C3orf20: variants seen among roughly 807,000 people sequenced by gnomAD.
The protein encoded by C3orf20 is family with sequence similarity 149 member C, also known as uncharacterized protein C3orf20.
C3orf20 carries 76 observed loss-of-function variants against 88.3 expected under a neutral mutation model. The observed-to-expected ratio is 0.86, with a 90% CI of 0.72 to 1.04. The LOEUF is 1.04. C3orf20 is among the 50% of genes least tolerant of loss of function. C3orf20 has a pLI of 0.00. For synonymous variants in C3orf20, 436 were observed against 437.4 expected (o/e 1.00, Z 0.04); for missense variants, 1,056 against 1,123.3 (o/e 0.94, Z 0.86).
chr3:14,759,892 G>A lies in C3orf20; in HGVS notation c.2246G>A (p.Cys749Tyr), dbSNP rs539105065. 3 of 1,613,232 alleles carry A rather than the reference G, an allele frequency of 1.9e-6. No homozygotes were observed. The highest frequency in any genetic ancestry group is 2.2e-5 in the South Asian group (2 of 91,054). Residue 749 changes from cysteine to tyrosine, a missense_variant and splice_region_variant, in exon 14 of 17, where the codon TGC (cysteine) becomes TAC (tyrosine). Transcript: ENST00000253697. ...GTTCTCATATTTCTCTCCTGGTAGTGCCGGTATGACTCCTACCGCCTGCTG... is the reference window on the plus strand; with the variant it reads ...GTTCTCATATTTCTCTCCTGGTAGTACCGGTATGACTCCTACCGCCTGCTG... ...QRGRGSPCIQ[C>Y]RYDSYRLLQY...
intron 9 of C3orf20, among the ~76,000 whole-genome samples, chr3:14,718,472 G>C (rs1459006450): frequency 6.6e-6 from 1 of 151,916 alleles, no homozygotes; most frequent in Non-Finnish European, 1.5e-5. Flanking sequence ...ACCTCATCTA[G>C]TGTAGTTAAA....
intron 1 of C3orf20, among the ~76,000 whole-genome samples, chr3:14,678,244 C>T (rs760051120): frequency 3.3e-5 from 5 of 152,128 alleles, no homozygotes; most frequent in Non-Finnish European, 5.9e-5. Context: ...TTCACACACA[C>T]CACCTCACTA....
chr3:14,715,465 T>G, intron 9 of C3orf20, 56 bp downstream of exon 9: 1 of 1,571,678 alleles, frequency 6.4e-7, no homozygotes, highest in Non-Finnish European at 8.6e-7. Flanking sequence ...ACAGGGAGGG[T>G]CTGGGCATCC....
rs2032132429 is a variant in C3orf20 at position 14,682,292 on chromosome 3, A to G, written c.-176A>G. ...TCTTGCAGGTTCTTAATGATTGACC[A>G]CAAGCAGATCTTTCACCCTCGGATC... On this transcript the variant is annotated 5_prime_UTR_variant, in exon 2 of 17. Coordinates refer to ENST00000253697, the MANE Select transcript of C3orf20 (RefSeq NM_032137.5). 1 of 165,132 alleles carries G rather than the reference A, an allele frequency of 6.1e-6. No individual in the cohort carries two copies. Among genetic ancestry groups the G allele is most frequent in the African/African-American group, 2.4e-5 (1 of 41,734 alleles). The allele number at this position is 165,132 out of a possible 1,614,324, so 10.2% of individuals were successfully genotyped here.
At chr3:14,759,766 T>A in intron 13 of C3orf20, 125 bp from the exon 14 acceptor site, 3 of 721,768 alleles carry the variant, frequency 4.2e-6, no homozygotes. Flanking sequence ...GCAGGAGGAG[T>A]TGGGGAGAGG....
intron 13 of C3orf20, 83 bp from the exon 14 acceptor site, chr3:14,759,808 A>G (rs2035501606): frequency 1.7e-6 from 2 of 1,177,464 alleles, no homozygotes; most frequent in African/African-American, 3.0e-5. Context: ...CTCAGGGGGA[A>G]CCAGGCCTAG....
At chr3:14,698,331 C>A (rs188098126) in intron 5 of C3orf20, among the ~76,000 whole-genome samples, 13 of 151,646 alleles carry the variant, frequency 8.6e-5, no homozygotes, top group South Asian at 2.1e-4. Context: ...GGTCTTAATG[C>A]CTGTGGATGT....
At chr3:14,757,128 C>A (rs1356729581) in intron 12 of C3orf20, among the ~76,000 whole-genome samples, 1 of 152,178 alleles carries the variant, frequency 6.6e-6, no homozygotes, top group Non-Finnish European at 1.5e-5. Context: ...AAGGATGACA[C>A]TAAAGCATTT....
rs141611273 is a variant in C3orf20, at chr3:14,682,804, A to C, written c.91A>C (p.Ile31Leu). The change falls in exon 3 of 17, where the codon ATC (isoleucine) becomes CTC (leucine). Residue 31 changes from isoleucine to leucine, a missense_variant. Transcript: ENST00000253697. Reference sequence around the variant, plus strand: ...GGCCCGCATCTCCAAACTCCTCATGATCTGCCAGAATGCAGGCATTTCTGT... The same window carrying C: ...GGCCCGCATCTCCAAACTCCTCATGCTCTGCCAGAATGCAGGCATTTCTGT... ...LLARISKLLM[I>L]CQNAGISVPK... The C allele has an allele frequency of 6.2e-7, 1 of 1,614,174 alleles. No individual in the cohort carries two copies. Among genetic ancestry groups the C allele is most frequent in the Non-Finnish European group, 8.5e-7 (1 of 1,180,028 alleles).
In C3orf20 at chr3:14,772,349, A is replaced by C; in HGVS notation, c.2630+148A>C. ...ATCTAGCCCATGTAATCAACACAAT[A>C]TTGGGCGGGCATGCAGGCTGCCCTG... On this transcript the variant is annotated intron_variant, in intron 16 of 16. Transcript: ENST00000253697. This position sits in a 1 kb window ranked among gnomAD's most constrained non-coding sequence, Gnocchi z 4.2. 6 of 1,005,748 alleles carry C rather than the reference A, an allele frequency of 6.0e-6. No homozygotes were observed. The highest frequency in any genetic ancestry group is 7.3e-6 in the Non-Finnish European group (5 of 684,282). 62.3% of individuals were successfully genotyped at this position (1,005,748 alleles called of 1,614,324 possible). A position where few individuals can be genotyped will look rare whatever the true frequency, so the allele number is the denominator to read the frequency against.
intron 12 of C3orf20, 62 bp from the exon 13 acceptor site, chr3:14,757,309 C>T (rs1365831952): frequency 6.9e-7 from 1 of 1,442,982 alleles, no homozygotes; most frequent in African/African-American, 1.4e-5. Flanking sequence ...CCAGGGGGCT[C>T]TGGGAACCAC....
chr3:14,771,881 T>C (rs968351452), intron 15 of C3orf20, among the ~76,000 whole-genome samples, 186 bp from the exon 16 acceptor site: 1 of 152,146 alleles, frequency 6.6e-6, no homozygotes, highest in African/African-American at 2.4e-5. Flanking sequence ...CAGCCCAAAA[T>C]AGAAGCCAGG....
At chr3:14,723,607 G>A (rs1334381144) in intron 10 of C3orf20, among the ~76,000 whole-genome samples, 1 of 152,156 alleles carries the variant, frequency 6.6e-6, no homozygotes, top group Non-Finnish European at 1.5e-5. Context: ...GAGGAAGAGA[G>A]GAAGTACCGG....
chr3:14,729,785 A>T (rs2034475881), intron 12 of C3orf20, among the ~76,000 whole-genome samples: 1 of 152,180 alleles, frequency 6.6e-6, no homozygotes, highest in East Asian at 1.9e-4. Flanking sequence ...ACCTCATGTG[A>T]TCCACCCGCC....
intron 12 of C3orf20, among the ~76,000 whole-genome samples, chr3:14,749,632 G>A (rs1400354960): frequency 6.6e-6 from 1 of 151,268 alleles, no homozygotes; most frequent in Admixed American, 6.6e-5. Flanking sequence ...CCATCTTGCT[G>A]TTAGTTTTCT....
chr3:14,695,992 G>A (rs1015947562), intron 5 of C3orf20, among the ~76,000 whole-genome samples: 1 of 151,898 alleles, frequency 6.6e-6, no homozygotes, highest in Non-Finnish European at 1.5e-5. Flanking sequence ...TTATTAATAA[G>A]TAAGGACTTA....
chr3:14,716,825 C>T (rs923101377), intron 9 of C3orf20, among the ~76,000 whole-genome samples: 3 of 152,162 alleles, frequency 2.0e-5, no homozygotes, highest in Non-Finnish European at 4.4e-5. Flanking sequence ...ATAAAGATCC[C>T]AGGCACAGCC....
At chr3:14,680,498 T>C (rs2032030470) in intron 1 of C3orf20, among the ~76,000 whole-genome samples, 1 of 151,264 alleles carries the variant, frequency 6.6e-6, no homozygotes, top group South Asian at 2.1e-4. Flanking sequence ...TGCCTGAGGG[T>C]GAGGGGAAAC....
chr3:14,720,171 A>T (rs956665343), intron 9 of C3orf20, among the ~76,000 whole-genome samples: 2 of 152,116 alleles, frequency 1.3e-5, no homozygotes, highest in African/African-American at 4.8e-5. Flanking sequence ...CTGGGACTAC[A>T]GGTGTCTGCC....
Sources: allele counts gnomAD v4.1 joint callset (sites outside exome capture counted in the v4.1 genomes callset), GRCh38; gene constraint gnomAD v4.1.1; non-coding constraint Gnocchi (gnomAD v3.1); transcripts MANE v1.5; gene names NCBI Gene and HGNC (gene_info 2026-07-23, HGNC 2026-07-21).